LSAMP: variants seen among roughly 807,000 people sequenced by gnomAD.
LSAMP encodes the protein limbic system-associated membrane protein.
Under a neutral mutation model 38.6 loss-of-function variants are expected in LSAMP, and 7 were observed. The observed-to-expected ratio is 0.18, with a 90% CI of 0.10 to 0.34. The LOEUF (loss-of-function observed/expected upper bound fraction) is 0.34. Among genes scored for constraint, LSAMP ranks in the 10% least tolerant of loss-of-function variants. The pLI is 1.00. For synonymous variants in LSAMP, 154 were observed against 166.8 expected (o/e 0.92, Z 0.59); for missense variants, 313 against 420.0 (o/e 0.75, Z 2.23).
chr3:116,366,602 G>T (rs1392352444), intron 1 of LSAMP, among the ~76,000 whole-genome samples: 1 of 152,158 alleles, frequency 6.6e-6, no homozygotes, highest in East Asian at 1.9e-4. Flanking sequence ...GATTAAAGTA[G>T]TCCTGGCATG....
At chr3:115,900,502 T>G (rs1576199585) in intron 3 of LSAMP, among the ~76,000 whole-genome samples, 1 of 111,886 alleles carries the variant, frequency 8.9e-6, no homozygotes, top group Non-Finnish European at 1.7e-5. Context: ...GGCAATAGAG[T>G]GAGACTGTCC....
chr3:115,942,959 C>T (rs543564487), intron 3 of LSAMP, among the ~76,000 whole-genome samples: 1 of 152,118 alleles, frequency 6.6e-6, no homozygotes, highest in East Asian at 1.9e-4. Context: ...ATGAGCTAGG[C>T]TCAAATAAAA....
chr3:116,442,315 A>G (rs1472658126), intron 1 of LSAMP, among the ~76,000 whole-genome samples: 1 of 151,936 alleles, frequency 6.6e-6, no homozygotes, highest in Non-Finnish European at 1.5e-5. Flanking sequence ...CGGGGCCACA[A>G]ACTCACTAAG....
Position 116,313,722 on chromosome 3 carries a change from G to T in LSAMP, c.155+131155C>A, listed in dbSNP as rs186462478. Among the ~76,000 whole-genome samples, 4 of 152,372 alleles carry T rather than the reference G, an allele frequency of 2.6e-5. No individual in the cohort carries two copies. The East Asian group carries it at 7.7e-4, about 29-fold the overall frequency. Reference sequence around the variant, plus strand: ...TCATCCCAGTACTTTGGGAGGCCAAGGTGGGTGGATCACCTGAGGTCAGGT... The same window carrying T: ...TCATCCCAGTACTTTGGGAGGCCAATGTGGGTGGATCACCTGAGGTCAGGT... On this transcript the variant is annotated intron_variant, in intron 1 of 6. Transcript: ENST00000490035.
intron 1 of LSAMP, among the ~76,000 whole-genome samples, chr3:116,430,611 T>C (rs1448191482): frequency 3.9e-5 from 6 of 152,150 alleles, no homozygotes; most frequent in African/African-American, 1.4e-4. Context: ...TCCAAAGATA[T>C]GCCTAAATAT....
intron 1 of LSAMP, among the ~76,000 whole-genome samples, chr3:116,399,060 A>G (rs2048806636): frequency 6.6e-6 from 1 of 152,242 alleles, no homozygotes. Flanking sequence ...CAGTGTGATT[A>G]CATTTCAAAT....
At chr3:116,164,765 T>A (rs200458718) in intron 1 of LSAMP, among the ~76,000 whole-genome samples, 16,809 of 126,792 alleles carry the variant, frequency 0.13, 1,958 homozygotes, top group Non-Finnish European at 0.2. Flanking sequence ...TATATATTTT[T>A]TTTTTTTTTC....
intron 3 of LSAMP, among the ~76,000 whole-genome samples, chr3:115,978,624 T>C (rs917084945): frequency 6.6e-6 from 1 of 151,658 alleles, no homozygotes; most frequent in African/African-American, 2.4e-5. Flanking sequence ...TATCCTACAG[T>C]GATTACCTCC....
chr3:116,294,015 TTTGA>T (rs1253653710), intron 1 of LSAMP, among the ~76,000 whole-genome samples: 1 of 152,128 alleles, frequency 6.6e-6, no homozygotes, highest in African/African-American at 2.4e-5. Flanking sequence ...TCATTGGTTG[TTTGA>T]TTCTCTAGCT....
chr3:115,924,373 T>C (rs769902733), intron 3 of LSAMP, among the ~76,000 whole-genome samples: 1 of 152,232 alleles, frequency 6.6e-6, no homozygotes, highest in Non-Finnish European at 1.5e-5. Context: ...CTTCTACTTA[T>C]GTCTTTCATT....
intron 1 of LSAMP, among the ~76,000 whole-genome samples, chr3:116,290,955 T>G (rs1313732379): frequency 6.6e-6 from 1 of 152,078 alleles, no homozygotes; most frequent in African/African-American, 2.4e-5. Context: ...AAAATTTCAC[T>G]GAAGATGCTT....
chr3:116,128,029 T>C (rs576475708), intron 1 of LSAMP, among the ~76,000 whole-genome samples: 1 of 152,246 alleles, frequency 6.6e-6, no homozygotes, highest in African/African-American at 2.4e-5. Context: ...ACCCTTGGAG[T>C]ATTTTTATTG....
At position 116,273,579 on chromosome 3, in the gene LSAMP, A is replaced by C. The variant is rs187474481; in HGVS notation, c.155+171298T>G. On this transcript the variant is annotated intron_variant, in intron 1 of 6. Coordinates refer to ENST00000490035, the MANE Select transcript of LSAMP (RefSeq NM_002338.5). ...GGAGTAATCTACTTTAGAATATGGA[A>C]TTATGATCTATTTATTTTGAATTCA... is the stretch of plus-strand genomic sequence containing the variant. 2.7e-5 allele frequency among the ~76,000 whole-genome samples: 4 copies of C among 150,400 alleles called. No individual in the cohort carries two copies. The East Asian group carries it at 7.8e-4, about 30-fold the overall frequency.
chr3:116,093,877 CA>C (rs1345776357), intron 1 of LSAMP, among the ~76,000 whole-genome samples: 1 of 152,056 alleles, frequency 6.6e-6, no homozygotes. Flanking sequence ...CTTAGTGAAT[CA>C]GCAAAACTAT....
At chr3:116,372,779 A>T (rs188250202) in intron 1 of LSAMP, among the ~76,000 whole-genome samples, 62 of 151,956 alleles carry the variant, frequency 4.1e-4, no homozygotes, top group Admixed American at 3.3e-3. Flanking sequence ...AAGCACAGGA[A>T]AAGATGCTCA....
intron 1 of LSAMP, among the ~76,000 whole-genome samples, chr3:116,200,405 T>A (rs994077777): frequency 2.0e-5 from 3 of 152,220 alleles, no homozygotes; most frequent in African/African-American, 7.2e-5. Context: ...ATTAAGAGTC[T>A]GATACATCCT....
chr3:116,022,934 G>C (rs1001307939), intron 2 of LSAMP, among the ~76,000 whole-genome samples: 4 of 151,970 alleles, frequency 2.6e-5, no homozygotes, highest in East Asian at 3.9e-4. Context: ...TATTATCTTA[G>C]TTAACAGTAT....
At chr3:116,140,167 C>T (rs942421043) in intron 1 of LSAMP, among the ~76,000 whole-genome samples, 4 of 151,966 alleles carry the variant, frequency 2.6e-5, no homozygotes, top group Non-Finnish European at 5.9e-5. Flanking sequence ...CTCTGAAATA[C>T]ACTTAGTAAA....
chr3:116,088,810 C>T (rs1216411798), intron 1 of LSAMP, among the ~76,000 whole-genome samples: 2 of 152,114 alleles, frequency 1.3e-5, no homozygotes, highest in East Asian at 1.9e-4. Flanking sequence ...CTAAATATGG[C>T]CTGTGAATCC....
Sources: allele counts gnomAD v4.1 joint callset (sites outside exome capture counted in the v4.1 genomes callset), GRCh38; gene constraint gnomAD v4.1.1; transcripts MANE v1.5; gene names NCBI Gene and HGNC (gene_info 2026-07-23, HGNC 2026-07-21).